Variants in PTPRD observed in about 807,000 individuals in gnomAD.
The protein encoded by PTPRD is protein tyrosine phosphatase receptor type D.
In PTPRD, 34 loss-of-function variants were observed where a neutral mutation model predicts 214.5. The ratio of observed to expected loss-of-function variants is 0.16; its 90% CI spans 0.12 to 0.21. PTPRD has a LOEUF of 0.21. Ranked by LOEUF, PTPRD falls within the 10% of genes least tolerant of loss-of-function variation. The pLI is 1.00. For synonymous variants in PTPRD, 1,128 were observed against 845.7 expected, an observed-to-expected ratio of 1.33 and a Z score of -5.79; for missense variants, 2,545 against 2,398.7, an observed-to-expected ratio of 1.06 and a Z score of -1.27.
At chr9:9,533,933 G>T (rs1296931916) in intron 8 of PTPRD, among the ~76,000 whole-genome samples, 4 of 151,952 alleles carry the variant, frequency 2.6e-5, no homozygotes, top group Non-Finnish European at 4.4e-5. Context: ...TACTTAAGAT[G>T]TAATTCAATT....
chr9:9,205,137 T>A (rs1170729785), intron 9 of PTPRD, among the ~76,000 whole-genome samples: 1 of 152,080 alleles, frequency 6.6e-6, no homozygotes, highest in Non-Finnish European at 1.5e-5. Flanking sequence ...ATCACTTATT[T>A]AAAAAAAATC....
chr9:9,085,071 T>C (rs1205690608), intron 10 of PTPRD, among the ~76,000 whole-genome samples: 1 of 152,168 alleles, frequency 6.6e-6, no homozygotes, highest in African/African-American at 2.4e-5. Flanking sequence ...ATTCTGTAAT[T>C]TTATCATTAT....
intron 7 of PTPRD, among the ~76,000 whole-genome samples, chr9:9,594,607 C>T (rs2093095326): frequency 6.6e-6 from 1 of 152,070 alleles, no homozygotes; most frequent in Non-Finnish European, 1.5e-5. Context: ...TTTCTGGGTT[C>T]TGTATTCTGT....
intron 2 of PTPRD, among the ~76,000 whole-genome samples, chr9:10,564,130 C>G (rs966696431): frequency 7.4e-6 from 1 of 135,722 alleles, no homozygotes; most frequent in African/African-American, 2.7e-5. Context: ...CTCCCGAGTG[C>G]TGGGACTACT....
At chr9:9,476,734 T>C (rs547716581) in intron 8 of PTPRD, among the ~76,000 whole-genome samples, 1 of 152,176 alleles carries the variant, frequency 6.6e-6, no homozygotes, top group African/African-American at 2.4e-5. Context: ...TGATTTTTAT[T>C]TTTTATTTTT....
chr9:8,705,777 A>C (rs759078024), intron 12 of PTPRD, among the ~76,000 whole-genome samples: 1 of 152,220 alleles, frequency 6.6e-6, no homozygotes, highest in Non-Finnish European at 1.5e-5. Context: ...ACTAGATTAA[A>C]ACAGTAGTAA....
rs112260853 is a variant in PTPRD at position 9,085,273 on chromosome 9, A to G, written c.-142-66538T>C. On this transcript the variant is annotated intron_variant, in intron 10 of 45. Transcript: ENST00000381196. ...TTAATTATTTTATAACTACCTATTTAGGATTCCTAGAATAAATATTCTACT... is the reference window on the plus strand; with the variant it reads ...TTAATTATTTTATAACTACCTATTTGGGATTCCTAGAATAAATATTCTACT... Among the ~76,000 whole-genome samples, 572 of 152,304 alleles carry G rather than the reference A, an allele frequency of 3.8e-3. 2 individuals are homozygous for G. The highest frequency in any genetic ancestry group is 0.013 in the African/African-American group (537 of 41,570).
intron 14 of PTPRD, among the ~76,000 whole-genome samples, chr9:8,620,798 A>G (rs568071409): frequency 3.3e-5 from 5 of 152,026 alleles, no homozygotes; most frequent in African/African-American, 9.7e-5. Context: ...TTTCAAGTCT[A>G]TATTAAGCCA....
At chr9:9,650,458 T>G (rs1459748996) in intron 7 of PTPRD, among the ~76,000 whole-genome samples, 1 of 152,202 alleles carries the variant, frequency 6.6e-6, no homozygotes, top group Admixed American at 6.5e-5. Context: ...AAATTTGGTT[T>G]GCTGATACTT....
At chr9:9,661,891 T>G (rs2096629014) in intron 7 of PTPRD, among the ~76,000 whole-genome samples, 1 of 151,676 alleles carries the variant, frequency 6.6e-6, no homozygotes, top group Admixed American at 6.6e-5. Context: ...TAAGTTATTT[T>G]GAAGCAAGTG....
At chr9:9,243,230 C>A (rs977568448) in intron 9 of PTPRD, among the ~76,000 whole-genome samples, 4 of 152,126 alleles carry the variant, frequency 2.6e-5, no homozygotes, top group African/African-American at 7.2e-5. Flanking sequence ...GAGCTGCTAC[C>A]ATTCCTTCTG....
chr9:8,483,823 C>G (rs765977558), intron 30 of PTPRD, among the ~76,000 whole-genome samples: 46 of 150,136 alleles, frequency 3.1e-4, no homozygotes, highest in Non-Finnish European at 6.1e-4. Flanking sequence ...AACAAACAAA[C>G]AAACAAAAAG....
At chr9:9,822,152 C>T (rs1187624879) in intron 5 of PTPRD, among the ~76,000 whole-genome samples, 1 of 150,742 alleles carries the variant, frequency 6.6e-6, no homozygotes, top group East Asian at 1.9e-4. Flanking sequence ...GTGGCTCACT[C>T]CTGTATTTTT....
chr9:8,912,987 C>T (rs2098758273), intron 11 of PTPRD, among the ~76,000 whole-genome samples: 1 of 152,014 alleles, frequency 6.6e-6, no homozygotes, highest in African/African-American at 2.4e-5. Flanking sequence ...ATGATTCTTC[C>T]CATTAATCTA....
At position 8,670,930 on chromosome 9, in the gene PTPRD, G is replaced by C. The variant is rs535076271; in HGVS notation, c.65-34086C>G. ...TTTCCGGAGGAAGACAGATTGAAGG[G>C]AAGTAGGTGGTGAAGAATTAAGGCA... On this transcript the variant is annotated intron_variant, in intron 12 of 45. Transcript: ENST00000381196. Among the ~76,000 whole-genome samples the C allele has an allele frequency of 7.1e-4, 108 of 152,332 alleles. 1 individual carries two copies. The highest frequency in any genetic ancestry group is 2.5e-3 in the African/African-American group (106 of 41,590).
chr9:9,216,722 T>G (rs1187249761), intron 9 of PTPRD, among the ~76,000 whole-genome samples: 1 of 152,190 alleles, frequency 6.6e-6, no homozygotes. Context: ...CTTTTTCTTC[T>G]GATTTTTATT....
At chr9:10,103,994 A>G (rs1446154545) in intron 3 of PTPRD, among the ~76,000 whole-genome samples, 1 of 151,746 alleles carries the variant, frequency 6.6e-6, no homozygotes, top group Non-Finnish European at 1.5e-5. Context: ...TTAGAAAGGA[A>G]GGACATTCTG....
intron 2 of PTPRD, among the ~76,000 whole-genome samples, chr9:10,581,706 C>T (rs1271871011): frequency 6.6e-6 from 1 of 152,086 alleles, no homozygotes; most frequent in African/African-American, 2.4e-5. Context: ...GGTAAATCAC[C>T]ATTTTTATTT....
intron 11 of PTPRD, among the ~76,000 whole-genome samples, chr9:8,750,261 G>C (rs188247459): frequency 6.6e-6 from 1 of 151,524 alleles, no homozygotes; most frequent in African/African-American, 2.4e-5. Flanking sequence ...AGGTTCAAGC[G>C]ATTCTTCTGC....
Sources: allele counts gnomAD v4.1 joint callset (sites outside exome capture counted in the v4.1 genomes callset), GRCh38; gene constraint gnomAD v4.1.1; transcripts MANE v1.5; gene names NCBI Gene and HGNC (gene_info 2026-07-23, HGNC 2026-07-21).